The following SETBP1 variants were observed in gnomAD, a reference collection of about 807,000 sequenced individuals.
The protein encoded by SETBP1 is SET-binding protein.
A neutral mutation model predicts 101.0 loss-of-function variants in SETBP1; 9 were observed. The observed-to-expected ratio is 0.09, with a 90% CI of 0.05 to 0.16. The LOEUF is 0.16. Ranked by LOEUF, SETBP1 falls within the 10% of genes least tolerant of loss-of-function variation. The probability of loss-of-function intolerance (pLI) is 1.00; values close to 1 mark genes in which losing one functional copy is unlikely to be tolerated. For synonymous variants in SETBP1, 818 were observed against 788.5 expected (o/e 1.04, Z -0.63); for missense variants, 1,858 against 2,033.8 (o/e 0.91, Z 1.66).
At chr18:44,731,652 A>ACACGCG (rs534282324) in intron 2 of SETBP1, among the ~76,000 whole-genome samples, 34 of 151,866 alleles carry the variant, frequency 2.2e-4, no homozygotes, top group African/African-American at 7.0e-4. Context: ...ACACACACAC[A>ACACGCG]CGCGCACGCA....
intron 3 of SETBP1, among the ~76,000 whole-genome samples, chr18:44,882,097 C>T (rs1013016632): frequency 1.3e-5 from 2 of 152,002 alleles, no homozygotes; most frequent in African/African-American, 4.8e-5. Context: ...GTCAAACATA[C>T]AGATCATTTC....
chr18:44,692,239 A>T (rs1484855418), intron 1 of SETBP1, among the ~76,000 whole-genome samples: 1 of 152,234 alleles, frequency 6.6e-6, no homozygotes, highest in Non-Finnish European at 1.5e-5. Context: ...TTGCACACTT[A>T]CTAAGGTGAT....
chr18:44,749,808 T>C (rs1306739928), intron 2 of SETBP1, among the ~76,000 whole-genome samples: 6 of 152,326 alleles, frequency 3.9e-5, no homozygotes, highest in Admixed American at 3.9e-4. Flanking sequence ...AAATGAAAGT[T>C]AAATTATCCA....
chr18:44,971,702 T>C (rs184681957), intron 4 of SETBP1, among the ~76,000 whole-genome samples: 2 of 152,340 alleles, frequency 1.3e-5, no homozygotes, highest in Non-Finnish European at 2.9e-5. Context: ...TCATATCCTT[T>C]GCCCACTTTT....
rs112410674 is a variant in SETBP1, at chr18:45,014,112, G to C, written c.4001-24373G>C. ...GACTCAAATTCTCCAAGGTGGGAGG[G>C]CTGTGGAAAGCCAGTGCCTGCTGTA... On this transcript the variant is annotated intron_variant, in intron 4 of 5. Transcript: ENST00000649279. 3.3e-5 allele frequency among the ~76,000 whole-genome samples: 5 copies of C among 152,324 alleles called. 1 individual carries two copies. The highest frequency in any genetic ancestry group is 1.2e-4 in the African/African-American group (5 of 41,576).
intron 2 of SETBP1, among the ~76,000 whole-genome samples, chr18:44,808,852 T>C (rs2071802597): frequency 6.6e-6 from 1 of 152,210 alleles, no homozygotes; most frequent in African/African-American, 2.4e-5. Flanking sequence ...TACTTATGAG[T>C]AACTGGGAGT....
At chr18:44,823,122 C>T (rs2072153123) in intron 2 of SETBP1, among the ~76,000 whole-genome samples, 1 of 151,984 alleles carries the variant, frequency 6.6e-6, no homozygotes, top group Non-Finnish European at 1.5e-5. Context: ...TAGAGTGAGA[C>T]TTCTCCAAAA....
chr18:44,798,477 C>T (rs891490120), intron 2 of SETBP1, among the ~76,000 whole-genome samples: 1 of 152,184 alleles, frequency 6.6e-6, no homozygotes, highest in Admixed American at 6.5e-5. Context: ...GTGGACTTAA[C>T]TTGGCTTTTT....
At chr18:44,706,158 C>T (rs1439470240) in intron 2 of SETBP1, among the ~76,000 whole-genome samples, 1 of 152,122 alleles carries the variant, frequency 6.6e-6, no homozygotes, top group Non-Finnish European at 1.5e-5. Flanking sequence ...GTAACTTGTT[C>T]TTTATCATGG....
chr18:44,814,483 C>T (rs1007721665), intron 2 of SETBP1, among the ~76,000 whole-genome samples: 1 of 152,134 alleles, frequency 6.6e-6, no homozygotes, highest in Non-Finnish European at 1.5e-5. Context: ...CTAGAATTGG[C>T]AAAGCAGACA....
intron 2 of SETBP1, among the ~76,000 whole-genome samples, chr18:44,861,203 T>C (rs2068999482): frequency 6.6e-6 from 1 of 150,376 alleles, no homozygotes; most frequent in Admixed American, 6.6e-5. Flanking sequence ...TGAAAACCAC[T>C]GTCTTGTGGA....
rs559052846 is a variant in SETBP1 at position 45,048,412 on chromosome 18, T to G, written c.4171+9757T>G. Among the ~76,000 whole-genome samples the G allele has an allele frequency of 2.0e-5, 3 of 152,300 alleles. No homozygotes were observed. In the South Asian group the frequency reaches 6.2e-4, roughly 32 times the overall value. Reference sequence around the variant, plus strand: ...AACTAAAGTTATCTCATGTCAGGATTTAATCATGTGAAGTCACAATTTAGC... The same window carrying G: ...AACTAAAGTTATCTCATGTCAGGATGTAATCATGTGAAGTCACAATTTAGC... On this transcript the variant is annotated intron_variant, in intron 5 of 5. Transcript: ENST00000649279.
chr18:44,682,525 T>C (rs921598285), intron 1 of SETBP1, among the ~76,000 whole-genome samples: 1 of 152,166 alleles, frequency 6.6e-6, no homozygotes, highest in African/African-American at 2.4e-5. Context: ...TTAAACTCCC[T>C]GAGGGAGGCG....
At chr18:44,716,198 G>A (rs1289452040) in intron 2 of SETBP1, among the ~76,000 whole-genome samples, 1 of 152,152 alleles carries the variant, frequency 6.6e-6, no homozygotes, top group African/African-American at 2.4e-5. Flanking sequence ...TTGTCCACTT[G>A]CTTTTCTTTT....
intron 5 of SETBP1, among the ~76,000 whole-genome samples, chr18:45,047,369 TGGCAAAGAATTAAAG>T (rs1391599568): frequency 2.0e-5 from 3 of 152,232 alleles, no homozygotes; most frequent in Non-Finnish European, 4.4e-5. Context: ...AGAGTTTATG[TGGCAAAGAATTAAAG>T]GGCACATATA....
chr18:45,016,731 GCACACACACACACACACA>G (rs60965207), intron 4 of SETBP1, among the ~76,000 whole-genome samples: 1 of 122,750 alleles, frequency 8.1e-6, no homozygotes, highest in African/African-American at 3.1e-5. Context: ...ATTGGTGCGC[GCACACACACACACACACA>G]CACACACACA....
chr18:44,851,784 T>C (rs1445388921), intron 2 of SETBP1, among the ~76,000 whole-genome samples: 1 of 152,168 alleles, frequency 6.6e-6, no homozygotes, highest in East Asian at 1.9e-4. Context: ...ATCTGCCCCA[T>C]TCTCTAGGTT....
intron 2 of SETBP1, among the ~76,000 whole-genome samples, chr18:44,835,456 G>T (rs1471522786): frequency 6.6e-6 from 1 of 152,070 alleles, no homozygotes; most frequent in Non-Finnish European, 1.5e-5. Context: ...AAGCCCATCT[G>T]ATTAAGATTT....
At chr18:44,953,636 G>A (rs1195218285) in intron 4 of SETBP1, among the ~76,000 whole-genome samples, 1 of 152,188 alleles carries the variant, frequency 6.6e-6, no homozygotes, top group African/African-American at 2.4e-5. Flanking sequence ...TAAAGATGCT[G>A]TTCTTAGGTC....
Sources: gnomAD v4.1 joint callset for allele counts (sites outside exome capture counted in the v4.1 genomes callset) on GRCh38, gnomAD v4.1.1 for gene constraint, MANE v1.5 for transcripts, NCBI Gene and HGNC (gene_info 2026-07-23, HGNC 2026-07-21) for gene names.